PIN4: variants seen among roughly 807,000 people sequenced by gnomAD.
PIN4 encodes peptidylprolyl cis/trans isomerase, NIMA-interacting 4.
In PIN4, 3 loss-of-function variants were observed where a neutral mutation model predicts 8.3. That is an observed-to-expected ratio of 0.36 (90% confidence interval 0.16 to 0.93). The LOEUF is 0.93. Among genes scored for constraint, PIN4 ranks in the 40% least tolerant of loss-of-function variants. The pLI is 0.44. For missense variants in PIN4, 75 were observed against 100.6 expected (o/e 0.75, Z 1.09); for synonymous variants, 18 against 32.5 (o/e 0.55, Z 1.52).
intron 3 of PIN4, among the ~76,000 whole-genome samples, chrX:72,214,680 A>C (rs978357353): frequency 1.9e-5 from 2 of 106,618 alleles, no homozygotes; most frequent in Non-Finnish European, 3.9e-5. Flanking sequence ...CTCAAAAAAA[A>C]AAAAAAAAAC....
In PIN4 at chrX:72,219,870, C is replaced by T. The variant is rs1025351417; in HGVS notation, c.312+22966C>T. Among the ~76,000 whole-genome samples the T allele has an allele frequency of 1.2e-4, 13 of 109,082 alleles. No individual in the cohort carries two copies. In the Admixed American group the frequency reaches 1.3e-3, roughly 11 times the overall value. 94.7% of individuals were successfully genotyped at this position (109,082 alleles called of 115,157 possible). A position where few individuals can be genotyped will look rare whatever the true frequency, so the allele number is the denominator to read the frequency against. On this transcript the variant is annotated intron_variant, in intron 3 of 3. Coordinates refer to the PIN4 transcript ENST00000423432. ...CTCAAAAAAAAAAAAAAAAGAACCT[C>T]CACTATAATGTTGAATTATAATGTG...
intron 3 of PIN4, among the ~76,000 whole-genome samples, chrX:72,215,108 T>G (rs1345569250): frequency 8.9e-6 from 1 of 112,166 alleles, no homozygotes; most frequent in Middle Eastern, 4.3e-3. Context: ...CTCAAAAACA[T>G]GCTGAGGAAA....
intron 3 of PIN4, among the ~76,000 whole-genome samples, chrX:72,213,699 G>T (rs1437138607): frequency 8.9e-6 from 1 of 112,099 alleles, no homozygotes; most frequent in Non-Finnish European, 1.9e-5. Flanking sequence ...TAAGTGCCCG[G>T]GTTCGTCCTA....
downstream of PIN4, among the ~76,000 whole-genome samples, chrX:72,202,203 C>T (rs2042792748): frequency 8.9e-6 from 1 of 112,407 alleles, no homozygotes; most frequent in African/African-American, 3.2e-5. Context: ...ACTTTTTTTC[C>T]TATCCAAATT....
At chrX:72,253,974 A>T (rs940181805) in intron 3 of PIN4, among the ~76,000 whole-genome samples, 1 of 110,433 alleles carries the variant, frequency 9.1e-6, no homozygotes, top group East Asian at 2.8e-4. Context: ...AAAAAGAAAA[A>T]AAATAAAAGA....
At chrX:72,197,285 A>C in intron 3 of PIN4, 83 bp from the exon 4 acceptor site, 1 of 905,123 alleles carries the variant, frequency 1.1e-6, no homozygotes, top group African/African-American at 2.0e-5. Context: ...CCTTAGCAAA[A>C]TGTTGGGAAA....
intron 2 of PIN4, among the ~76,000 whole-genome samples, chrX:72,194,547 T>C: frequency 1.1e-5 from 1 of 92,699 alleles, no homozygotes. Flanking sequence ...AAAAAAAAAT[T>C]AGCCGCTAGC....
intron 3 of PIN4, among the ~76,000 whole-genome samples, chrX:72,262,508 T>G (rs1842692291): frequency 8.9e-6 from 1 of 112,080 alleles, no homozygotes; most frequent in Non-Finnish European, 1.9e-5. Flanking sequence ...TCGTGGAAAT[T>G]CACTGCAAGG....
At chrX:72,191,241 G>A (rs2042731345) in intron 2 of PIN4, among the ~76,000 whole-genome samples, 1 of 110,849 alleles carries the variant, frequency 9.0e-6, no homozygotes, top group African/African-American at 3.3e-5. Flanking sequence ...TTGGAGGGGG[G>A]CCTGGACTTT....
chrX:72,243,774 C>A (rs1289045672), intron 3 of PIN4, among the ~76,000 whole-genome samples: 1 of 112,314 alleles, frequency 8.9e-6, no homozygotes, highest in East Asian at 2.8e-4. Context: ...TTAGATAGCA[C>A]TGAAGTGCCA....
At position 72,207,937 on chromosome X, in the gene PIN4, C is replaced by G. The variant is rs2042829847; in HGVS notation, c.312+11033C>G. On this transcript the variant is annotated intron_variant, in intron 3 of 3. Transcript: ENST00000423432. The stretch of plus-strand genomic sequence containing the variant: ...AGTTTTTAATGTTCCCAGCAGGGAC[C>G]CTTGACAAGCAAAATCAAATAGGGA... The G allele has an allele frequency of 1.7e-6, 2 of 1,209,627 alleles. No individual in the cohort carries two copies. Among genetic ancestry groups the G allele is most frequent in the Non-Finnish European group, 2.2e-6 (2 of 895,144 alleles).
rs1569488935 is a variant in PIN4, at chrX:72,197,643, G to T, written c.*117G>T. The T allele has an allele frequency of 2.8e-6, 3 of 1,082,108 alleles. No homozygotes were observed. The highest frequency in any genetic ancestry group is 6.8e-5 in the East Asian group (2 of 29,295). The allele number at this position is 1,082,108 out of a possible 1,213,427, so 89.2% of individuals were successfully genotyped here. On this transcript the variant is annotated 3_prime_UTR_variant, in exon 4 of 4. Coordinates refer to ENST00000373669, the MANE Select transcript of PIN4 (RefSeq NM_006223.4). ...AAATTTTTAAAAAGAAAAGATATTG[G>T]ATGCTCCTTGTATTCTGTGAAAGCT...
rs146825901 is a variant in PIN4 at position 72,221,677 on chromosome X, T to C, written c.312+24773T>C. Among the ~76,000 whole-genome samples the C allele has an allele frequency of 2.2e-3, 246 of 111,017 alleles. 2 individuals carry two copies. The highest frequency in any genetic ancestry group is 7.7e-3 in the African/African-American group (236 of 30,509). On this transcript the variant is annotated intron_variant, in intron 3 of 3. Transcript: ENST00000423432. ...ATAATGACAGCCGATGGTTGGAAAA[T>C]GTCACCTTTTACTTGCAAATTCTTA...
intron 2 of PIN4, among the ~76,000 whole-genome samples, chrX:72,189,143 C>A (rs1190260630): frequency 9.1e-6 from 1 of 109,502 alleles, no homozygotes; most frequent in African/African-American, 3.4e-5. Context: ...CCAACCTGGG[C>A]AACAGAATGA....
rs2042773899 is a variant in PIN4 at position 72,197,666 on chromosome X, G to A, written c.*140G>A. On this transcript the variant is annotated 3_prime_UTR_variant, in exon 4 of 4. Transcript: ENST00000373669. ...TGGATGCTCCTTGTATTCTGTGAAA[G>A]CTCTAAGTATGGGTTTGTAGGTGTA... 5.7e-6 allele frequency: 6 copies of A among 1,058,996 alleles called. No individual in the cohort carries two copies. In the South Asian group the frequency reaches 1.6e-4, roughly 27 times the overall value. 87.3% of individuals were successfully genotyped at this position (1,058,996 alleles called of 1,213,427 possible). A position where few individuals can be genotyped will look rare whatever the true frequency, so the allele number is the denominator to read the frequency against.
At chrX:72,204,273 ATTAC>A (rs1470937268) in intron 3 of PIN4, among the ~76,000 whole-genome samples, 1 of 112,665 alleles carries the variant, frequency 8.9e-6, no homozygotes, top group Non-Finnish European at 1.9e-5. Context: ...TAATTTTATA[ATTAC>A]TTTTAACGAT....
chrX:72,206,360 T>C (rs1409547407), intron 3 of PIN4: 1 of 1,210,711 alleles, frequency 8.3e-7, no homozygotes, highest in African/African-American at 1.7e-5. Flanking sequence ...CCTGTACCTT[T>C]ACCATCTTGC....
In PIN4 at chrX:72,208,553, C is replaced by T. The variant is rs141181241; in HGVS notation, c.312+11649C>T. 18 of 1,210,302 alleles carry T rather than the reference C, an allele frequency of 1.5e-5. No homozygotes were observed. The African/African-American group carries it at 3.1e-4, about 21-fold the overall frequency. On this transcript the variant is annotated intron_variant, in intron 3 of 3. Transcript: ENST00000423432. ...TCTGTAAATTCATCATCTCCCTGTT[C>T]TGCCAACTCCTCCAAGGCTTCCTGT...
chrX:72,183,183 A>C (rs1457566829), intron 1 of PIN4, among the ~76,000 whole-genome samples: 2 of 111,768 alleles, frequency 1.8e-5, no homozygotes, highest in Non-Finnish European at 3.8e-5. Context: ...GGTAACATCA[A>C]GGATACATGA....
Sources: allele counts gnomAD v4.1 joint callset (sites outside exome capture counted in the v4.1 genomes callset), GRCh38; gene constraint gnomAD v4.1.1; transcripts MANE v1.5; gene names NCBI Gene and HGNC (gene_info 2026-07-23, HGNC 2026-07-21).